CDH12: variants seen among roughly 807,000 people sequenced by gnomAD.
CDH12 encodes cadherin-12.
CDH12 carries 41 observed loss-of-function variants against 74.1 expected under a neutral mutation model. The observed-to-expected ratio is 0.55, with a 90% CI of 0.43 to 0.72. The LOEUF is 0.72. CDH12 is among the 30% of genes least tolerant of loss of function. The probability of loss-of-function intolerance (pLI) is 0.00; values close to 1 mark genes in which losing one functional copy is unlikely to be tolerated. For missense variants in CDH12, 945 were observed against 977.2 expected, an observed-to-expected ratio of 0.97 and a Z score of 0.44; for synonymous variants, 399 against 355.0, an observed-to-expected ratio of 1.12 and a Z score of -1.39.
At chr5:22,292,492 A>G (rs3099032) in intron 3 of CDH12, among the ~76,000 whole-genome samples, 151,139 of 152,082 alleles carry the variant, frequency 0.99, 75,114 homozygotes, top group Middle Eastern at 1. Context: ...TGCAAATTAC[A>G]CATCTGATAA....
At position 22,401,557 on chromosome 5, in the gene CDH12, A is replaced by G. The variant is rs575550854; in HGVS notation, c.-333+3700T>C. ...TAAACTAGTAATAGACACAAATTCTAGATTCTATTTATTGAGGTATATTGC... is the reference window on the plus strand; with the variant it reads ...TAAACTAGTAATAGACACAAATTCTGGATTCTATTTATTGAGGTATATTGC... On this transcript the variant is annotated intron_variant, in intron 3 of 14. Coordinates refer to ENST00000382254, the MANE Select transcript of CDH12 (RefSeq NM_004061.5). 7.9e-5 allele frequency among the ~76,000 whole-genome samples: 12 copies of G among 152,288 alleles called. No homozygotes were observed. The South Asian group carries it at 2.1e-3, about 26-fold the overall frequency.
intron 14 of CDH12, among the ~76,000 whole-genome samples, chr5:21,754,728 C>T (rs1744288952): frequency 6.6e-6 from 1 of 152,026 alleles, no homozygotes; most frequent in Non-Finnish European, 1.5e-5. Context: ...TTTGGTTAAA[C>T]AGTAAATATG....
intron 1 of CDH12, among the ~76,000 whole-genome samples, chr5:22,529,165 G>A (rs1252435234): frequency 9.2e-5 from 7 of 75,720 alleles, no homozygotes; most frequent in East Asian, 3.9e-4. Context: ...ATACACATGT[G>A]TATATATATA....
At chr5:22,502,176 A>T (rs1405249900) in intron 2 of CDH12, among the ~76,000 whole-genome samples, 1 of 152,082 alleles carries the variant, frequency 6.6e-6, no homozygotes, top group Non-Finnish European at 1.5e-5. Flanking sequence ...CACATGTTGT[A>T]GGAGGCACCC....
chr5:21,843,313 T>A (rs576792381), intron 7 of CDH12, among the ~76,000 whole-genome samples: 2 of 152,200 alleles, frequency 1.3e-5, no homozygotes, highest in South Asian at 4.2e-4. Context: ...CAAAAATAAA[T>A]CAACCATCAA....
intron 2 of CDH12, among the ~76,000 whole-genome samples, chr5:22,413,185 T>C (rs1399034671): frequency 6.6e-6 from 1 of 151,916 alleles, no homozygotes; most frequent in Non-Finnish European, 1.5e-5. Context: ...AGATACAGAT[T>C]TGAGAATCAT....
intron 3 of CDH12, among the ~76,000 whole-genome samples, chr5:22,287,346 G>A (rs1004932728): frequency 2.0e-5 from 3 of 152,026 alleles, no homozygotes; most frequent in Admixed American, 2.0e-4. Flanking sequence ...TCAGAAAGAA[G>A]TTTAAATTTG....
chr5:22,289,270 G>C (rs950749660), intron 3 of CDH12, among the ~76,000 whole-genome samples: 3 of 151,888 alleles, frequency 2.0e-5, no homozygotes, highest in Admixed American at 6.6e-5. Context: ...ATAATCTTTA[G>C]AATAGAAAAA....
chr5:22,104,499 T>G (rs1239223247), intron 4 of CDH12, among the ~76,000 whole-genome samples: 1 of 152,182 alleles, frequency 6.6e-6, no homozygotes, highest in Non-Finnish European at 1.5e-5. Context: ...AAACTTTGTT[T>G]TTAAAATTGT....
intron 4 of CDH12, among the ~76,000 whole-genome samples, chr5:22,100,001 C>T (rs552714727): frequency 1.3e-5 from 2 of 152,282 alleles, no homozygotes; most frequent in East Asian, 1.9e-4. Context: ...TAGGTTCCCA[C>T]GCTGCCCCTA....
chr5:22,826,027 A>G (rs188953207), intron 1 of CDH12, among the ~76,000 whole-genome samples: 1 of 152,296 alleles, frequency 6.6e-6, no homozygotes, highest in African/African-American at 2.4e-5. Context: ...TCCATTGGCC[A>G]GTGTACTAGA....
chr5:22,782,231 G>T (rs1279159220), intron 1 of CDH12, among the ~76,000 whole-genome samples: 1 of 152,084 alleles, frequency 6.6e-6, no homozygotes, highest in Non-Finnish European at 1.5e-5. Flanking sequence ...ATGAGATTTG[G>T]GAGGGAACAG....
intron 1 of CDH12, among the ~76,000 whole-genome samples, chr5:22,686,988 T>G (rs1741832354): frequency 6.6e-6 from 1 of 152,190 alleles, no homozygotes; most frequent in African/African-American, 2.4e-5. Flanking sequence ...CCTGATGAGG[T>G]AATTCATACT....
chr5:21,810,361 G>A (rs2149935662), intron 9 of CDH12, among the ~76,000 whole-genome samples: 1 of 152,204 alleles, frequency 6.6e-6, no homozygotes, highest in South Asian at 2.1e-4. Context: ...CAAATTCATA[G>A]GTGGAGAAAG....
chr5:22,256,668 C>A (rs1256853194), intron 3 of CDH12, among the ~76,000 whole-genome samples: 1 of 152,056 alleles, frequency 6.6e-6, no homozygotes, highest in Non-Finnish European at 1.5e-5. Flanking sequence ...CCTTAAAGAC[C>A]TTCCAGTGGG....
intron 1 of CDH12, among the ~76,000 whole-genome samples, chr5:22,788,515 T>G (rs111620610): frequency 0.011 from 1,688 of 149,364 alleles, 37 homozygotes; most frequent in African/African-American, 0.039. Flanking sequence ...TAATTCTTTA[T>G]AATATAAAAA....
intron 7 of CDH12, among the ~76,000 whole-genome samples, chr5:21,849,441 C>G (rs962664760): frequency 2.0e-5 from 3 of 151,722 alleles, no homozygotes; most frequent in African/African-American, 7.3e-5. Context: ...ATTTACTACA[C>G]GATCATAATA....
intron 1 of CDH12, among the ~76,000 whole-genome samples, chr5:22,775,842 T>A (rs1174953278): frequency 6.6e-6 from 1 of 152,158 alleles, no homozygotes; most frequent in South Asian, 2.1e-4. Context: ...CCGTGTGTTG[T>A]GGGAGGGACC....
intron 1 of CDH12, among the ~76,000 whole-genome samples, chr5:22,617,057 T>G (rs569366883): frequency 6.6e-6 from 1 of 152,002 alleles, no homozygotes; most frequent in South Asian, 2.1e-4. Flanking sequence ...ATTTTTTTTG[T>G]ACAGACAAGG....
Sources: gnomAD v4.1 joint callset for allele counts (sites outside exome capture counted in the v4.1 genomes callset) on GRCh38, gnomAD v4.1.1 for gene constraint, MANE v1.5 for transcripts, NCBI Gene and HGNC (gene_info 2026-07-23, HGNC 2026-07-21) for gene names.